TMEFF2: variants seen among roughly 807,000 people sequenced by gnomAD.
TMEFF2 encodes transmembrane protein with EGF like and two follistatin like domains 2.
A neutral mutation model predicts 53.8 loss-of-function variants in TMEFF2; 28 were observed. That is an observed-to-expected ratio of 0.52 (90% confidence interval 0.39 to 0.71). The LOEUF (loss-of-function observed/expected upper bound fraction) is 0.71, where lower values mean the gene tolerates loss of function less well. Among genes scored for constraint, TMEFF2 ranks in the 30% least tolerant of loss-of-function variants. The probability of loss-of-function intolerance (pLI) is 0.00; values close to 1 mark genes in which losing one functional copy is unlikely to be tolerated. For synonymous variants in TMEFF2, 162 were observed against 166.3 expected (o/e 0.97, Z 0.20); for missense variants, 353 against 455.2 (o/e 0.78, Z 2.04).
intron 3 of TMEFF2, among the ~76,000 whole-genome samples, chr2:192,181,245 G>T (rs558086838): frequency 6.6e-6 from 1 of 151,782 alleles, no homozygotes; most frequent in South Asian, 2.1e-4. Context: ...AATTTTAATT[G>T]ATTGTATTTG....
intron 4 of TMEFF2, among the ~76,000 whole-genome samples, chr2:192,166,493 A>C (rs189244069): frequency 6.6e-6 from 1 of 152,356 alleles, no homozygotes; most frequent in Non-Finnish European, 1.5e-5. Context: ...ATTTGCATTA[A>C]GACAGGTACA....
At chr2:192,075,855 C>A (rs186459323) in intron 4 of TMEFF2, among the ~76,000 whole-genome samples, 32 of 151,896 alleles carry the variant, frequency 2.1e-4, no homozygotes, top group African/African-American at 6.5e-4. Flanking sequence ...ACTAAGGATG[C>A]ATTTCATTTT....
intron 4 of TMEFF2, chr2:192,177,503 T>C (rs879738049): frequency 1.3e-5 from 2 of 151,130 alleles, no homozygotes; most frequent in Non-Finnish European, 3.0e-5. Context: ...TCTCTAATTT[T>C]AAAAATTGTA....
intron 7 of TMEFF2, among the ~76,000 whole-genome samples, chr2:191,996,468 T>C (rs915926858): frequency 4.6e-5 from 7 of 151,882 alleles, no homozygotes; most frequent in African/African-American, 1.7e-4. Flanking sequence ...AATATAATAA[T>C]TGTTTATAAA....
intron 4 of TMEFF2, chr2:192,178,464 T>C (rs1230699144): frequency 6.6e-6 from 1 of 151,070 alleles, no homozygotes; most frequent in Non-Finnish European, 1.5e-5. Flanking sequence ...TCCAACATCA[T>C]GGGACATTGA....
At chr2:192,030,511 T>G (rs951225103) in intron 5 of TMEFF2, 1 of 152,012 alleles carries the variant, frequency 6.6e-6, no homozygotes, top group Non-Finnish European at 1.5e-5. Flanking sequence ...ATCTGTGAGC[T>G]GACCCAGAGC....
chr2:191,995,108 G>A (rs758608806), intron 7 of TMEFF2, among the ~76,000 whole-genome samples: 3 of 151,916 alleles, frequency 2.0e-5, no homozygotes, highest in Non-Finnish European at 2.9e-5. Context: ...TTTGTTGAAG[G>A]CATTGCTCCC....
At chr2:191,970,778 G>A (rs997769654) in intron 7 of TMEFF2, among the ~76,000 whole-genome samples, 4 of 152,102 alleles carry the variant, frequency 2.6e-5, no homozygotes, top group African/African-American at 9.7e-5. Context: ...TAGTCCAAAT[G>A]GAGTCAATGA....
intron 4 of TMEFF2, among the ~76,000 whole-genome samples, chr2:192,075,292 T>TATATATATATAAATATATATAA (rs1368247532): frequency 1.1e-4 from 3 of 28,416 alleles, no homozygotes; most frequent in Non-Finnish European, 2.0e-4. Context: ...CTATTATATA[T>TATATATATATAAATATATATAA]ATATATATAT....
At chr2:192,169,040 G>C (rs1690841848) in intron 4 of TMEFF2, among the ~76,000 whole-genome samples, 1 of 152,006 alleles carries the variant, frequency 6.6e-6, no homozygotes, top group African/African-American at 2.4e-5. Flanking sequence ...TTTGTTGTTA[G>C]TATTAATGCA....
chr2:192,003,726 C>G (rs976941166), intron 5 of TMEFF2, among the ~76,000 whole-genome samples: 1 of 152,160 alleles, frequency 6.6e-6, no homozygotes, highest in East Asian at 1.9e-4. Context: ...CTAATATTTA[C>G]ACGCAAATAC....
At chr2:192,014,477 G>C (rs574511543) in intron 5 of TMEFF2, among the ~76,000 whole-genome samples, 2 of 152,136 alleles carry the variant, frequency 1.3e-5, no homozygotes, top group Non-Finnish European at 2.9e-5. Flanking sequence ...TTCTTTCAAT[G>C]GTTAGTTAAT....
In TMEFF2 at chr2:192,075,298, T is replaced by TATATAAATATATATATAA. The variant is rs1163181239; in HGVS notation, c.440-17524_440-17523insTTATATATATATTTATAT. ...AGTACAGTACTATTATATATATATA[T>TATATAAATATATATATAA]ATATATATATATATATATATATATA... On this transcript the variant is annotated intron_variant, in intron 4 of 9. Transcript: ENST00000272771. Among the ~76,000 whole-genome samples, 4 of 37,738 alleles carry TATATAAATATATATATAA rather than the reference T, an allele frequency of 1.1e-4. No homozygotes were observed. The East Asian group carries it at 1.8e-3, about 17-fold the overall frequency. The allele number at this position is 37,738 out of a possible 152,430, so 24.8% of individuals were successfully genotyped here.
intron 7 of TMEFF2, among the ~76,000 whole-genome samples, chr2:191,958,865 T>A (rs1446923970): frequency 4.6e-5 from 7 of 152,140 alleles, no homozygotes; most frequent in African/African-American, 1.7e-4. Context: ...GTCAACAAAT[T>A]TATAGTCAAT....
intron 5 of TMEFF2, among the ~76,000 whole-genome samples, chr2:192,003,912 A>T (rs1265985597): frequency 2.5e-5 from 2 of 79,124 alleles, no homozygotes; most frequent in African/African-American, 7.7e-5. Context: ...TGAGTGAAAA[A>T]ATTTGTGTGT....
chr2:192,094,006 C>T (rs1306485156), intron 4 of TMEFF2, among the ~76,000 whole-genome samples: 1 of 152,062 alleles, frequency 6.6e-6, no homozygotes, highest in Non-Finnish European at 1.5e-5. Flanking sequence ...TTTCTCACGC[C>T]TGTGGGTTGT....
At chr2:191,985,472 A>G (rs1574266954) in intron 7 of TMEFF2, among the ~76,000 whole-genome samples, 1 of 143,418 alleles carries the variant, frequency 7.0e-6, no homozygotes, top group Middle Eastern at 3.4e-3. Context: ...GCATAAAACT[A>G]GTGAAGATAA....
intron 7 of TMEFF2, among the ~76,000 whole-genome samples, chr2:191,991,754 T>G (rs1277802703): frequency 6.6e-6 from 1 of 152,122 alleles, no homozygotes; most frequent in African/African-American, 2.4e-5. Context: ...ACATAAATGA[T>G]GCAGGATGCG....
At chr2:192,101,040 C>T (rs1293562217) in intron 4 of TMEFF2, among the ~76,000 whole-genome samples, 1 of 152,138 alleles carries the variant, frequency 6.6e-6, no homozygotes, top group Non-Finnish European at 1.5e-5. Flanking sequence ...AGAATAATGC[C>T]ACTCTGTGTT....
Sources: gnomAD v4.1 joint callset for allele counts (sites outside exome capture counted in the v4.1 genomes callset) on GRCh38, gnomAD v4.1.1 for gene constraint, MANE v1.5 for transcripts, NCBI Gene and HGNC (gene_info 2026-07-23, HGNC 2026-07-21) for gene names.